The following SLC6A16 variants were observed in gnomAD, a reference collection of about 807,000 sequenced individuals.
SLC6A16 encodes the protein orphan sodium- and chloride-dependent neurotransmitter transporter NTT5.
Under a neutral mutation model 65.4 loss-of-function variants are expected in SLC6A16, and 54 were observed. That is an observed-to-expected ratio of 0.83 (90% CI 0.66 to 1.04). SLC6A16 has a LOEUF of 1.04. SLC6A16 is among the 50% of genes least tolerant of loss of function. The pLI is 0.00. For missense variants in SLC6A16, 816 were observed against 914.0 expected, an observed-to-expected ratio of 0.89 and a Z score of 1.38; for synonymous variants, 330 against 346.5, an observed-to-expected ratio of 0.95 and a Z score of 0.53.
intron 7 of SLC6A16, among the ~76,000 whole-genome samples, chr19:49,307,051 C>CTTT (rs1197711801): frequency 0.028 from 1,706 of 60,994 alleles, 177 homozygotes; most frequent in African/African-American, 0.12. Context: ...GTTTTATACA[C>CTTT]TTTTTTTTTT....
chr19:49,335,539 A>C, the SLC6A16 span: 21 of 1,613,030 alleles, frequency 1.3e-5, no homozygotes, highest in Non-Finnish European at 1.7e-5. This position sits in a 1 kb window ranked among gnomAD's most constrained non-coding sequence, Gnocchi z 4.6. Flanking sequence ...CACTAGGTGA[A>C]GATGTCAGCC....
Position 49,309,709 on chromosome 19 carries a change from A to G in SLC6A16, c.818T>C (p.Phe273Ser). The part of the protein sequence containing the change: ...SPVYSLVLPF[F>S]LCWCLVGAFM... ...AGCACCAACAAGACACCAGCAAAGA[A>G]AGAAGGGCAGGACCAGACTGTAGAC... Residue 273 changes from phenylalanine to serine, a missense_variant, in exon 5 of 12, where the codon TTT becomes TCT. By Grantham distance (155) the Phe-to-Ser change is radical. Transcript: ENST00000335875. 6.2e-7 allele frequency: 1 copy of G among 1,614,078 alleles called. No homozygotes were observed. Among genetic ancestry groups the G allele is most frequent in the Non-Finnish European group, 8.5e-7 (1 of 1,179,988 alleles).
At chr19:49,308,755 T>G (rs964437365) in intron 7 of SLC6A16, 121 bp downstream of exon 7, 1 of 1,219,778 alleles carries the variant, frequency 8.2e-7, no homozygotes, top group Non-Finnish European at 1.2e-6. Context: ...GGTAGAGGGC[T>G]TGCAAGTGCA....
the SLC6A16 span, chr19:49,337,161 G>A: frequency 5.0e-6 from 8 of 1,614,172 alleles, no homozygotes; most frequent in Admixed American, 1.3e-4. Flanking sequence ...TTGGGATGCT[G>A]CTGCTCCTGT....
chr19:49,313,625 C>CAAAAAAAAAAAAAAAAAAA (rs902187308), intron 1 of SLC6A16, among the ~76,000 whole-genome samples: 3 of 47,380 alleles, frequency 6.3e-5, no homozygotes, highest in African/African-American at 6.2e-5. Flanking sequence ...ACTAAAAATG[C>CAAAAAAAAAAAAAAAAAAA]AAAAAAAAAA....
intron 10 of SLC6A16, 30 bp downstream of exon 10, chr19:49,293,193 C>T: frequency 6.2e-7 from 1 of 1,612,256 alleles, no homozygotes; most frequent in South Asian, 1.1e-5. Flanking sequence ...TAGTCCCATG[C>T]TTTGTGAGAA....
intron 1 of SLC6A16, among the ~76,000 whole-genome samples, chr19:49,319,543 T>C (rs1182727462): frequency 6.6e-6 from 1 of 150,882 alleles, no homozygotes; most frequent in East Asian, 1.9e-4. Flanking sequence ...CTATACGATA[T>C]ATACATATAC....
the SLC6A16 span, chr19:49,337,069 T>A: frequency 1.9e-6 from 3 of 1,613,762 alleles, no homozygotes; most frequent in African/African-American, 4.0e-5. Context: ...CTAGGAACAC[T>A]CCTATCCCCA....
chr19:49,335,646 C>A, the SLC6A16 span: 2 of 1,610,152 alleles, frequency 1.2e-6, no homozygotes, highest in Non-Finnish European at 1.7e-6. The surrounding 1 kb of genome is among the most constrained non-coding windows in gnomAD (Gnocchi z 4.6). Context: ...GGGGCCCAGC[C>A]CCTGCCGCTA....
intron 10 of SLC6A16, among the ~76,000 whole-genome samples, chr19:49,291,341 T>C (rs1174490322): frequency 6.6e-6 from 1 of 151,992 alleles, no homozygotes; most frequent in Admixed American, 6.6e-5. Flanking sequence ...TAACCATCTA[T>C]GCCCCCGGAG....
At chr19:49,329,843 C>G (rs950360912), upstream of SLC6A16, among the ~76,000 whole-genome samples, 4 of 151,970 alleles carry the variant, frequency 2.6e-5, no homozygotes, top group Non-Finnish European at 5.9e-5. Flanking sequence ...CTGTGTTAGC[C>G]AGGATGGTCT....
At chr19:49,335,866 T>C in the SLC6A16 span, 3 of 1,131,910 alleles carry the variant, frequency 2.7e-6, no homozygotes, top group East Asian at 2.3e-5. The surrounding 1 kb of genome is among the most constrained non-coding windows in gnomAD (Gnocchi z 4.6). Flanking sequence ...CAGGGAGACC[T>C]ACGGTGCCCT....
Position 49,309,789 on chromosome 19 carries a change from G to T in SLC6A16, c.738C>A (p.Phe246Leu). The T allele has an allele frequency of 6.2e-7, 1 of 1,613,940 alleles. No homozygotes were observed. Among genetic ancestry groups the T allele is most frequent in the Non-Finnish European group, 8.5e-7 (1 of 1,179,866 alleles). The change falls in exon 5 of 12, where the codon TTC becomes TTA. Residue 246 changes from phenylalanine to leucine, a missense_variant. Phe to Leu is a conservative substitution (Grantham distance 22). Coordinates refer to ENST00000335875, the MANE Select transcript of SLC6A16 (RefSeq NM_014037.3). ...ECERTTPSIY[F>L]WYQQALKASD... ...AGGCCTTCAAGGCCTGCTGGTACCA[G>T]AAGTATATGGAGGGTGTTGTCCGTT...
At position 49,310,431 on chromosome 19, in the gene SLC6A16, C is replaced by G. The variant is rs1159846347; in HGVS notation, c.495G>C (p.Gln165His). Residue 165 changes from glutamine (Q) to histidine (H), a missense_variant, in exon 3 of 12, where the codon CAG becomes CAC. By Grantham distance (24) the Gln-to-His change is conservative. Coordinates refer to ENST00000335875, the MANE Select transcript of SLC6A16 (RefSeq NM_014037.3). ...PLLFLEMAAG[Q>H]SMRQGGMGVW... Reference sequence around the variant, plus strand: ...CACCCATGCCACCCTGACGCATGCTCTGACCAGCTGCCATCTCCAGGAAGA... The same window carrying G: ...CACCCATGCCACCCTGACGCATGCTGTGACCAGCTGCCATCTCCAGGAAGA... The G allele has an allele frequency of 6.2e-7, 1 of 1,614,046 alleles. No homozygotes were observed. Among genetic ancestry groups the G allele is most frequent in the Non-Finnish European group, 8.5e-7 (1 of 1,180,026 alleles).
the SLC6A16 span, chr19:49,335,453 T>G: frequency 9.5e-6 from 9 of 948,092 alleles, no homozygotes; most frequent in Non-Finnish European, 1.4e-5. This position sits in a 1 kb window ranked among gnomAD's most constrained non-coding sequence, Gnocchi z 4.6. Flanking sequence ...TCTCTCTTTC[T>G]CTCTCAGCCT....
intron 1 of SLC6A16, among the ~76,000 whole-genome samples, chr19:49,318,136 T>C (rs1412964921): frequency 6.6e-6 from 1 of 152,222 alleles, no homozygotes; most frequent in Non-Finnish European, 1.5e-5. Flanking sequence ...AATATCAACC[T>C]GCACATGTAT....
In SLC6A16 at chr19:49,309,795, T is replaced by A; in HGVS notation, c.732A>T (p.Ile244=). ...TCAAGGCCTGCTGGTACCAGAAGTA[T>A]ATGGAGGGTGTTGTCCGTTCACATT... is the stretch of plus-strand genomic sequence containing the variant. ...DPECERTTPS[I]YFWYQQALKA... Residue 244 remains isoleucine (I), a synonymous_variant, in exon 5 of 12, where the codon ATA becomes ATT. Coordinates refer to ENST00000335875, the MANE Select transcript of SLC6A16 (RefSeq NM_014037.3). The A allele has an allele frequency of 6.2e-7, 1 of 1,613,696 alleles. No homozygotes were observed. Among genetic ancestry groups the A allele is most frequent in the South Asian group, 1.1e-5 (1 of 91,076 alleles).
At chr19:49,303,110 A>G (rs1042431926) in intron 7 of SLC6A16, among the ~76,000 whole-genome samples, 1 of 152,230 alleles carries the variant, frequency 6.6e-6, no homozygotes, top group Non-Finnish European at 1.5e-5. Flanking sequence ...ACATCCAGGT[A>G]CAAGAAGTTC....
At chr19:49,317,966 G>A (rs1281815218) in intron 1 of SLC6A16, among the ~76,000 whole-genome samples, 1 of 152,184 alleles carries the variant, frequency 6.6e-6, no homozygotes, top group Non-Finnish European at 1.5e-5. Context: ...ACAGGAGGAA[G>A]AATACAAACA....
Sources: allele counts gnomAD v4.1 joint callset (sites outside exome capture counted in the v4.1 genomes callset), GRCh38; gene constraint gnomAD v4.1.1; non-coding constraint Gnocchi (gnomAD v3.1); transcripts MANE v1.5; gene names NCBI Gene and HGNC (gene_info 2026-07-23, HGNC 2026-07-21).